Variants in ARHGAP23 observed in about 807,000 individuals in gnomAD.
ARHGAP23 encodes Rho GTPase activating protein 23, also known as rho GTPase-activating protein 23.
ARHGAP23 carries 34 observed loss-of-function variants against 136.3 expected under a neutral mutation model. The observed-to-expected ratio is 0.25, with a 90% CI of 0.19 to 0.33. ARHGAP23 has a LOEUF of 0.33. ARHGAP23 is among the 10% of genes least tolerant of loss of function. ARHGAP23 has a pLI of 1.00. For synonymous variants in ARHGAP23, 832 were observed against 920.5 expected, an observed-to-expected ratio of 0.90 and a Z score of 1.74; for missense variants, 1,808 against 2,139.0, an observed-to-expected ratio of 0.85 and a Z score of 3.05.
rs1029349031 is a variant in ARHGAP23 at position 38,435,008 on chromosome 17, A to T, written c.63+6460A>T. Among the ~76,000 whole-genome samples the T allele has an allele frequency of 2.6e-5, 4 of 152,224 alleles. No individual in the cohort carries two copies. In the East Asian group the frequency reaches 7.7e-4, roughly 29 times the overall value. ...CTGTATTGTTCCTGAAAAGGGACAG[A>T]AGGAGGAGGAAAGCTACCCAGAGAG... On this transcript the variant is annotated intron_variant, in intron 1 of 23. Coordinates refer to ENST00000622683, the MANE Select transcript of ARHGAP23 (RefSeq NM_001199417.2).
At chr17:38,483,122 G>A (rs1305883315) in intron 16 of ARHGAP23, among the ~76,000 whole-genome samples, 5 of 152,182 alleles carry the variant, frequency 3.3e-5, no homozygotes, top group African/African-American at 7.2e-5. Flanking sequence ...GCTCTGTTGC[G>A]TTCCCCCCTT....
Position 38,479,813 on chromosome 17 carries a change from C to T in ARHGAP23, c.2559C>T (p.Leu853=), listed in dbSNP as rs2039989442. 3.3e-5 allele frequency: 50 copies of T among 1,531,484 alleles called. No homozygotes were observed. The highest frequency in any genetic ancestry group is 4.4e-5 in the Non-Finnish European group (50 of 1,137,028). The allele number at this position is 1,531,484 out of a possible 1,614,324, so 94.9% of individuals were successfully genotyped here. The change falls in exon 14 of 24, where the codon CTC becomes CTT. Residue 853 remains leucine, a synonymous_variant. Coordinates refer to ENST00000622683, the MANE Select transcript of ARHGAP23 (RefSeq NM_001199417.2). ...SPKGSRGLGG[L]KSEFLKQSAA... is the part of the protein sequence containing the mutation. ...AAGGCTCTCGCGGCCTGGGGGGCCT[C>T]AAGTCTGAGTTCCTCAAGCAGAGTG...
rs2038610108 is a variant in ARHGAP23 at position 38,428,508 on chromosome 17, T to TGGTCGG, written c.25_30dup (p.Val9_Gly10dup). On this transcript the variant is annotated inframe_insertion, in exon 1 of 24. Coordinates refer to ENST00000622683, the MANE Select transcript of ARHGAP23 (RefSeq NM_001199417.2). Reference sequence around the variant, plus strand: ...CCGATGAATGGAGTCGCCTTCTGCCTGGTCGGGATCCCGCCCCGCCCGGAG... The same window carrying TGGTCGG: ...CCGATGAATGGAGTCGCCTTCTGCCTGGTCGGGGTCGGGATCCCGCCCCGCCCGGAG... 1 of 1,455,896 alleles carries TGGTCGG rather than the reference T, an allele frequency of 6.9e-7. No individual in the cohort carries two copies. 90.2% of individuals were successfully genotyped at this position (1,455,896 alleles called of 1,614,324 possible).
At chr17:38,436,646 C>T (rs926252968) in intron 1 of ARHGAP23, among the ~76,000 whole-genome samples, 6 of 152,196 alleles carry the variant, frequency 3.9e-5, no homozygotes, top group Non-Finnish European at 8.8e-5. Flanking sequence ...CTTTTCCTAC[C>T]GCCCAAAAGC....
Position 38,510,121 on chromosome 17 carries a change from A to T in ARHGAP23, c.3625A>T (p.Thr1209Ser). The T allele has an allele frequency of 2.4e-6, 3 of 1,264,138 alleles. No homozygotes were observed. Among genetic ancestry groups the T allele is most frequent in the Non-Finnish European group, 3.0e-6 (3 of 1,011,260 alleles). The allele number at this position is 1,264,138 out of a possible 1,614,324, so 78.3% of individuals were successfully genotyped here. A position where few individuals can be genotyped will look rare whatever the true frequency, so the allele number is the denominator to read the frequency against. The stretch of plus-strand genomic sequence containing the variant: ...TGGGGCGGGGGCCACAGCGCCGGGG[A>T]CTCAGGAGCGGCCGCAGGGGCCGCT... ...KPGAGATAPG[T>S]QERPQGPLPG... The change falls in exon 24 of 24, where the codon ACT (threonine) becomes TCT (serine). Residue 1209 changes from threonine (T) to serine (S), a missense_variant. By Grantham distance (58) the Thr-to-Ser change is moderately conservative. This residue lies in a region of ARHGAP23 where 506 missense variants were observed against 455.8 expected (regional missense o/e 1.11). Coordinates refer to ENST00000622683, the MANE Select transcript of ARHGAP23 (RefSeq NM_001199417.2). The surrounding 1 kb of genome is among the most constrained non-coding windows in gnomAD (Gnocchi z 4.6).
intron 22 of ARHGAP23, among the ~76,000 whole-genome samples, chr17:38,499,231 C>G (rs1414549898): frequency 6.6e-6 from 1 of 152,230 alleles, no homozygotes; most frequent in Non-Finnish European, 1.5e-5. Context: ...GCCACAGACC[C>G]TGCGGCCTCT....
chr17:38,439,361 C>G lies in ARHGAP23; in HGVS notation c.63+10813C>G, dbSNP rs114785582. On this transcript the variant is annotated intron_variant, in intron 1 of 23. Coordinates refer to ENST00000622683, the MANE Select transcript of ARHGAP23 (RefSeq NM_001199417.2). ...CTCCCTCCACCACTCAAATATATGG[C>G]GACTTCCTCCTCTGTGCGCTAGACC... Among the ~76,000 whole-genome samples, 482 of 152,260 alleles carry G rather than the reference C, an allele frequency of 3.2e-3. 3 individuals carry two copies. Among genetic ancestry groups the G allele is most frequent in the African/African-American group, 0.011 (464 of 41,552 alleles).
At chr17:38,428,443 G>GC, upstream of ARHGAP23, 1 of 1,303,660 alleles carries the variant, frequency 7.7e-7, no homozygotes, top group Non-Finnish European at 9.9e-7. Flanking sequence ...CCCTGCCGGC[G>GC]CCCCCAGCCG....
rs756170644 is a variant in ARHGAP23, at chr17:38,510,318, G to A, written c.3822G>A (p.Glu1274=). The part of the protein sequence containing the change: ...ASGRRAGAGD[E]ADDERSELSH... ...GTCGGCGGGCAGGGGCGGGGGATGA[G>A]GCGGACGACGAGCGTAGCGAGCTGA... is the stretch of plus-strand genomic sequence containing the variant. Residue 1274 remains glutamate, a synonymous_variant, in exon 24 of 24, where the codon GAG becomes GAA. Transcript: ENST00000622683. This position sits in a 1 kb window ranked among gnomAD's most constrained non-coding sequence, Gnocchi z 4.6. The A allele has an allele frequency of 1.6e-5, 20 of 1,266,822 alleles. No individual in the cohort carries two copies. The highest frequency in any genetic ancestry group is 1.2e-4 in the South Asian group (4 of 33,570). The allele number at this position is 1,266,822 out of a possible 1,614,324, so 78.5% of individuals were successfully genotyped here.
Position 38,510,897 on chromosome 17 carries a change from GC to G in ARHGAP23, c.4404del (p.Asp1470ThrfsTer36). ...CGTCCGCTGCCTCGCAGCCGCCCGCGCCCGGGGACACGGGGTCCCTGCAGAG... is the reference window on the plus strand; with the variant it reads ...CGTCCGCTGCCTCGCAGCCGCCCGCGCCGGGGACACGGGGTCCCTGCAGAG... The part of the protein sequence containing the change: ...PSSAASQPPA[P>X]GDTGSLQSQP... On this transcript the variant is annotated frameshift_variant, in exon 24 of 24. Coordinates refer to ENST00000622683, the MANE Select transcript of ARHGAP23 (RefSeq NM_001199417.2). LOFTEE classifies it high-confidence loss of function. The surrounding 1 kb of genome is among the most constrained non-coding windows in gnomAD (Gnocchi z 4.6). The G allele has an allele frequency of 2.7e-6, 4 of 1,490,624 alleles. No homozygotes were observed. Among genetic ancestry groups the G allele is most frequent in the Non-Finnish European group, 3.5e-6 (4 of 1,129,010 alleles). The allele number at this position is 1,490,624 out of a possible 1,614,324, so 92.3% of individuals were successfully genotyped here. A position where few individuals can be genotyped will look rare whatever the true frequency, so the allele number is the denominator to read the frequency against.
chr17:38,428,212 G>T (rs181198487), upstream of ARHGAP23, among the ~76,000 whole-genome samples: 1 of 152,168 alleles, frequency 6.6e-6, no homozygotes, highest in Non-Finnish European at 1.5e-5. Flanking sequence ...CCTGGAGACC[G>T]CCTCTCTTCG....
At chr17:38,466,013 A>C (rs1484627878) in intron 6 of ARHGAP23, among the ~76,000 whole-genome samples, 154 bp from the exon 7 acceptor site, 62 of 131,292 alleles carry the variant, frequency 4.7e-4, no homozygotes, top group African/African-American at 9.8e-4. Context: ...CTGCCCTTCC[A>C]CCCCCACCCA....
Position 38,453,460 on chromosome 17 carries a change from T to TGTGTGC in ARHGAP23, c.64-4641_64-4640insTGTGCG, listed in dbSNP as rs1555581033. Among the ~76,000 whole-genome samples the TGTGTGC allele has an allele frequency of 6.3e-5, 7 of 111,998 alleles. No individual in the cohort carries two copies. The South Asian group carries it at 7.5e-4, about 12-fold the overall frequency. 73.5% of individuals were successfully genotyped at this position (111,998 alleles called of 152,430 possible). On this transcript the variant is annotated intron_variant, in intron 1 of 23. Coordinates refer to ENST00000622683, the MANE Select transcript of ARHGAP23 (RefSeq NM_001199417.2). Reference sequence around the variant, plus strand: ...GTGTGTGTGTGTGTGTGTGTGTGTGTGCGCGCGCGCGCTGGAAGGGTGCAA... The same window carrying TGTGTGC: ...GTGTGTGTGTGTGTGTGTGTGTGTGTGTGTGCGCGCGCGCGCGCTGGAAGGGTGCAA...
At chr17:38,441,235 CA>C (rs1191457953) in intron 1 of ARHGAP23, among the ~76,000 whole-genome samples, 1 of 152,256 alleles carries the variant, frequency 6.6e-6, no homozygotes, top group Non-Finnish European at 1.5e-5. Context: ...CCCCATTCCC[CA>C]TTTCAGGCCC....
intron 21 of ARHGAP23, among the ~76,000 whole-genome samples, 187 bp from the exon 22 acceptor site, chr17:38,498,227 A>G (rs2040435948): frequency 6.6e-6 from 1 of 152,052 alleles, no homozygotes; most frequent in African/African-American, 2.4e-5. Context: ...AAGGCACAAA[A>G]CTGTCTAATA....
intron 20 of ARHGAP23, among the ~76,000 whole-genome samples, chr17:38,494,650 G>A (rs2040351267): frequency 6.6e-6 from 1 of 152,132 alleles, no homozygotes; most frequent in South Asian, 2.1e-4. Context: ...TAAGAGCTGC[G>A]TCTCTTTGTG....
intron 6 of ARHGAP23, among the ~76,000 whole-genome samples, chr17:38,465,927 T>C (rs1382949110): frequency 1.3e-5 from 2 of 152,038 alleles, no homozygotes; most frequent in East Asian, 3.9e-4. Flanking sequence ...GTCACAGTCT[T>C]AGCGAAATCC....
chr17:38,490,409 A>T (rs1184748263), intron 18 of ARHGAP23, 53 bp from the exon 19 acceptor site: 10 of 1,368,462 alleles, frequency 7.3e-6, no homozygotes, highest in Non-Finnish European at 6.1e-6. Flanking sequence ...ATGACGGGGG[A>T]CAGGGGCAGG....
upstream of ARHGAP23, among the ~76,000 whole-genome samples, chr17:38,425,958 C>T (rs886222566): frequency 2.0e-5 from 3 of 151,808 alleles, no homozygotes; most frequent in Non-Finnish European, 1.5e-5. Context: ...GGGAGGAATT[C>T]GCCTGCCGGT....
Sources: gnomAD v4.1 joint callset for allele counts (sites outside exome capture counted in the v4.1 genomes callset) on GRCh38, gnomAD v4.1.1 for gene constraint, gnomAD v4.1.1 regional missense constraint, Gnocchi (gnomAD v3.1) non-coding constraint, MANE v1.5 for transcripts, NCBI Gene and HGNC (gene_info 2026-07-23, HGNC 2026-07-21) for gene names.